CSTF3: variants seen among roughly 807,000 people sequenced by gnomAD.
The protein encoded by CSTF3 is cleavage stimulation factor subunit 3, also known as CF-1 77 kDa subunit.
Under a neutral mutation model 105.8 loss-of-function variants are expected in CSTF3, and 29 were observed. The observed-to-expected ratio is 0.27, with a 90% CI of 0.20 to 0.37. CSTF3 has a LOEUF of 0.37. CSTF3 is among the 10% of genes least tolerant of loss of function. CSTF3 has a pLI of 1.00. For missense variants in CSTF3, 357 were observed against 879.3 expected (o/e 0.41, Z 7.51); for synonymous variants, 252 against 281.9 (o/e 0.89, Z 1.06).
rs1855389376 is a variant in CSTF3, at chr11:33,112,492, T to C, written c.226-4074A>G. ...CATACTAGTCAACAAAGCTATAAACTAAAGGAGTATAACTTTTCATTATAT... is the reference window on the plus strand; with the variant it reads ...CATACTAGTCAACAAAGCTATAAACCAAAGGAGTATAACTTTTCATTATAT... On this transcript the variant is annotated intron_variant, in intron 3 of 20. Transcript: ENST00000323959. Among the ~76,000 whole-genome samples the C allele has an allele frequency of 2.0e-5, 3 of 152,130 alleles. 1 individual carries two copies. The South Asian group carries it at 6.2e-4, about 32-fold the overall frequency.
intron 1 of CSTF3, among the ~76,000 whole-genome samples, chr11:33,145,328 T>C (rs1855767877): frequency 6.6e-6 from 1 of 151,966 alleles, no homozygotes; most frequent in South Asian, 2.1e-4. Flanking sequence ...TCCCACCTAC[T>C]TGGGAAGCTG....
chr11:33,123,565 C>T (rs941089099), intron 3 of CSTF3, among the ~76,000 whole-genome samples: 16 of 152,024 alleles, frequency 1.1e-4, no homozygotes, highest in African/African-American at 3.6e-4. Context: ...ACAATTACTG[C>T]AGTACCGTCT....
At chr11:33,106,565 T>A (rs1855327484) in intron 5 of CSTF3, among the ~76,000 whole-genome samples, 5 of 152,052 alleles carry the variant, frequency 3.3e-5, no homozygotes, top group Admixed American at 3.3e-4. Context: ...CTCGTCTCTA[T>A]AAATAAATAA....
chr11:33,089,792 A>C (rs1297090327), intron 17 of CSTF3, among the ~76,000 whole-genome samples: 2 of 152,238 alleles, frequency 1.3e-5, no homozygotes, highest in Non-Finnish European at 2.9e-5. Flanking sequence ...TGGTTGGCTT[A>C]AAGAGATCAA....
At chr11:33,145,093 A>C (rs1425758971) in intron 1 of CSTF3, 3 of 152,582 alleles carry the variant, frequency 2.0e-5, no homozygotes, top group African/African-American at 4.8e-5. Context: ...ACATGACAAA[A>C]ATACTAAATT....
At chr11:33,153,647 T>C (rs1226839060) in intron 1 of CSTF3, among the ~76,000 whole-genome samples, 13 of 143,070 alleles carry the variant, frequency 9.1e-5, no homozygotes, top group African/African-American at 2.0e-4. Flanking sequence ...CTAAAAAAAA[T>C]AGTAATAATA....
intron 3 of CSTF3, among the ~76,000 whole-genome samples, chr11:33,118,058 T>C (rs1855449742): frequency 6.6e-6 from 1 of 151,608 alleles, no homozygotes; most frequent in South Asian, 2.1e-4. Flanking sequence ...CTTTTTTATC[T>C]CTAATCTCAT....
Position 33,099,601 on chromosome 11 carries a change from C to A in CSTF3, c.936+7G>T, listed in dbSNP as rs542847234. The A allele has an allele frequency of 1.0e-5, 16 of 1,556,324 alleles. No homozygotes were observed. In the South Asian group the frequency reaches 1.4e-4, roughly 14 times the overall value. The stretch of plus-strand genomic sequence containing the variant: ...TATCAAAGTGGGGATAGGGAAGGAA[C>A]ACTTACTCCCTTTTCTGCGAGCAGT... On this transcript the variant is annotated splice_region_variant and intron_variant, in intron 11 of 20. Transcript: ENST00000323959. The surrounding 1 kb of genome is among the most constrained non-coding windows in gnomAD (Gnocchi z 4.1).
intron 3 of CSTF3, among the ~76,000 whole-genome samples, chr11:33,125,919 G>A (rs1032665313): frequency 6.6e-6 from 1 of 152,130 alleles, no homozygotes; most frequent in African/African-American, 2.4e-5. Flanking sequence ...TAAGTTCAAT[G>A]TTAATAAGAC....
chr11:33,101,510 A>T (rs992843844), intron 10 of CSTF3, among the ~76,000 whole-genome samples: 1 of 152,224 alleles, frequency 6.6e-6, no homozygotes, highest in Non-Finnish European at 1.5e-5. Context: ...ATTTAATCTG[A>T]GATTAATGGT....
At chr11:33,122,221 G>A in intron 3 of CSTF3, among the ~76,000 whole-genome samples, 1 of 152,140 alleles carries the variant, frequency 6.6e-6, no homozygotes, top group East Asian at 1.9e-4. Flanking sequence ...AAGAAAACTG[G>A]TTTTGAAATG....
chr11:33,149,793 T>C (rs942556097), intron 1 of CSTF3, among the ~76,000 whole-genome samples: 16 of 151,696 alleles, frequency 1.1e-4, no homozygotes, highest in African/African-American at 3.9e-4. Context: ...CCGAGGCAGG[T>C]GGATCACCTG....
intron 1 of CSTF3, among the ~76,000 whole-genome samples, chr11:33,158,837 A>G (rs1215144379): frequency 2.0e-5 from 3 of 152,082 alleles, no homozygotes; most frequent in Non-Finnish European, 2.9e-5. Flanking sequence ...AAGCAAGCAA[A>G]CAAACAACAA....
chr11:33,116,869 G>A (rs904671638), intron 3 of CSTF3, among the ~76,000 whole-genome samples: 18 of 151,806 alleles, frequency 1.2e-4, no homozygotes, highest in Non-Finnish European at 2.4e-4. Context: ...TTGGCTCAGA[G>A]AAGGTAGAAC....
chr11:33,104,507 C>T (rs1463977758), intron 8 of CSTF3, among the ~76,000 whole-genome samples: 3 of 152,136 alleles, frequency 2.0e-5, no homozygotes, highest in East Asian at 1.9e-4. Context: ...CATGGTGGCT[C>T]GTGCCTGTAA....
intron 1 of CSTF3, among the ~76,000 whole-genome samples, chr11:33,145,587 C>A (rs938286567): frequency 2.6e-5 from 4 of 151,758 alleles, no homozygotes; most frequent in Non-Finnish European, 5.9e-5. Flanking sequence ...CCAAAGCAGG[C>A]AGCTCACTAG....
intron 3 of CSTF3, among the ~76,000 whole-genome samples, chr11:33,134,647 A>G (rs544020690): frequency 6.6e-6 from 1 of 150,562 alleles, no homozygotes; most frequent in African/African-American, 2.4e-5. Context: ...CTACAGCTGA[A>G]AAGACCATTC....
In CSTF3 at chr11:33,140,219, T is replaced by A. The variant is rs542145212; in HGVS notation, c.225+1448A>T. Among the ~76,000 whole-genome samples, 13 of 152,156 alleles carry A rather than the reference T, an allele frequency of 8.5e-5. No homozygotes were observed. In the East Asian group the frequency reaches 2.1e-3, roughly 25 times the overall value. On this transcript the variant is annotated intron_variant, in intron 3 of 20. Transcript: ENST00000323959. Reference sequence around the variant, plus strand: ...CAGGTTCCTTGTTTTAATGAGTTAATACAAAGCAGCACGGGCTTCAGCATA... The same window carrying A: ...CAGGTTCCTTGTTTTAATGAGTTAAAACAAAGCAGCACGGGCTTCAGCATA...
intron 18 of CSTF3, 134 bp downstream of exon 18, chr11:33,086,854 A>G (rs1454111716): frequency 9.8e-7 from 1 of 1,016,554 alleles, no homozygotes; most frequent in East Asian, 2.4e-5. Flanking sequence ...TTAAAGCTAA[A>G]TCACTTGTCA....
Sources: allele counts gnomAD v4.1 joint callset (sites outside exome capture counted in the v4.1 genomes callset), GRCh38; gene constraint gnomAD v4.1.1; non-coding constraint Gnocchi (gnomAD v3.1); transcripts MANE v1.5; gene names NCBI Gene and HGNC (gene_info 2026-07-23, HGNC 2026-07-21).